Variants in KCNN2 observed in about 807,000 individuals in gnomAD.
The protein encoded by KCNN2 is small conductance calcium-activated potassium channel protein 2.
KCNN2 carries 24 observed loss-of-function variants against 55.5 expected under a neutral mutation model. The ratio of observed to expected loss-of-function variants is 0.43; its 90% CI spans 0.31 to 0.61. KCNN2 has a LOEUF of 0.61. Ranked by LOEUF, KCNN2 falls within the 20% of genes least tolerant of loss-of-function variation. The pLI, the probability that KCNN2 is intolerant of heterozygous loss-of-function variation, is 0.08. For missense variants in KCNN2, 754 were observed against 853.6 expected (o/e 0.88, Z 1.45); for synonymous variants, 431 against 336.1 (o/e 1.28, Z -3.09).
intron 1 of KCNN2, among the ~76,000 whole-genome samples, chr5:114,114,435 C>T (rs748297033): frequency 3.0e-4 from 45 of 151,880 alleles, no homozygotes; most frequent in Non-Finnish European, 5.4e-4. Flanking sequence ...GACAAGGTCT[C>T]GCTTTGTTGC....
chr5:114,391,905 G>A (rs1758460731), intron 2 of KCNN2, among the ~76,000 whole-genome samples: 1 of 152,088 alleles, frequency 6.6e-6, no homozygotes, highest in South Asian at 2.1e-4. Context: ...TGGTCAGAGG[G>A]TGGTTGCTGC....
At chr5:114,472,215 G>A (rs1166481148) in intron 4 of KCNN2, among the ~76,000 whole-genome samples, 2 of 148,340 alleles carry the variant, frequency 1.3e-5, no homozygotes, top group East Asian at 4.0e-4. Context: ...CCCTCCAATC[G>A]GTGCCCCAGC....
intron 2 of KCNN2, among the ~76,000 whole-genome samples, chr5:114,383,839 T>C (rs1217349718): frequency 1.3e-5 from 2 of 152,226 alleles, no homozygotes; most frequent in Non-Finnish European, 2.9e-5. Context: ...AAAATTGTGA[T>C]GCAGTATAAG....
intron 2 of KCNN2, among the ~76,000 whole-genome samples, chr5:114,367,111 C>T (rs146245707): frequency 1.0e-3 from 156 of 152,242 alleles, no homozygotes; most frequent in African/African-American, 3.6e-3. Flanking sequence ...AAAGCAGATC[C>T]GTGTGACCTT....
intron 5 of KCNN2, among the ~76,000 whole-genome samples, chr5:114,480,080 G>A (rs1165887417): frequency 6.6e-6 from 1 of 151,814 alleles, no homozygotes; most frequent in Non-Finnish European, 1.5e-5. Flanking sequence ...AAATCCAGGA[G>A]CTGGTTCTTT....
chr5:114,438,879 G>T (rs779748305), intron 3 of KCNN2, among the ~76,000 whole-genome samples: 1 of 152,134 alleles, frequency 6.6e-6, no homozygotes, highest in Admixed American at 6.5e-5. Flanking sequence ...ACAGATAAAT[G>T]TGACAGCCTT....
intron 2 of KCNN2, among the ~76,000 whole-genome samples, chr5:114,331,968 G>A (rs1315889764): frequency 6.6e-6 from 1 of 151,954 alleles, no homozygotes; most frequent in African/African-American, 2.4e-5. Flanking sequence ...GAGTTTAGTT[G>A]GAAATTTTAA....
intron 1 of KCNN2, among the ~76,000 whole-genome samples, chr5:114,146,529 A>G (rs536772614): frequency 6.6e-6 from 1 of 152,290 alleles, no homozygotes; most frequent in South Asian, 2.1e-4. Flanking sequence ...CTCCGGTTTG[A>G]CAGGTATCCC....
In KCNN2 at chr5:114,411,681, A is replaced by C. The variant is rs184492245; in HGVS notation, c.1637+6825A>C. ...CCAGGAGAGAGAGAGAGGGGGCGGG[A>C]GAGAGAGGAACTCACCTTTTCTCTA... On this transcript the variant is annotated intron_variant, in intron 3 of 7. Transcript: ENST00000673685. Among the ~76,000 whole-genome samples, 42 of 152,192 alleles carry C rather than the reference A, an allele frequency of 2.8e-4. 1 individual carries two copies. The East Asian group carries it at 7.9e-3, about 29-fold the overall frequency.
intron 2 of KCNN2, among the ~76,000 whole-genome samples, chr5:114,371,673 C>A (rs1757762852): frequency 1.3e-5 from 2 of 152,116 alleles, no homozygotes; most frequent in African/African-American, 4.8e-5. Context: ...GATCACAGAA[C>A]AAACATTTTA....
At chr5:114,196,903 G>A (rs1006300989) in intron 1 of KCNN2, among the ~76,000 whole-genome samples, 3 of 151,436 alleles carry the variant, frequency 2.0e-5, no homozygotes. Flanking sequence ...TTTTGTTCTT[G>A]TTTTTCTAGT....
intron 1 of KCNN2, among the ~76,000 whole-genome samples, chr5:114,134,382 T>C (rs1028599062): frequency 6.6e-6 from 1 of 151,860 alleles, no homozygotes; most frequent in Admixed American, 6.6e-5. Flanking sequence ...AAAGCTTGAC[T>C]TATATGTTGT....
intron 1 of KCNN2, among the ~76,000 whole-genome samples, chr5:114,176,244 G>T (rs1430045140): frequency 6.6e-6 from 1 of 152,074 alleles, no homozygotes; most frequent in African/African-American, 2.4e-5. Context: ...TTCAAACTTT[G>T]CCAAATGTCC....
In KCNN2 at chr5:114,143,620, A is replaced by G. The variant is rs556865531; in HGVS notation, c.-270-77860A>G. On this transcript the variant is annotated intron_variant, in intron 1 of 10. Coordinates refer to the KCNN2 transcript ENST00000512097. ...CTATGAACATCTGTTTTTCTGTGAT[A>G]GGAATCTTGGTGATGTGAAACCTCC... 3.1e-3 allele frequency among the ~76,000 whole-genome samples: 470 copies of G among 152,288 alleles called. 4 individuals carry two copies. Among genetic ancestry groups the G allele is most frequent in the African/African-American group, 0.011 (452 of 41,582 alleles).
chr5:114,091,476 T>G (rs1580503755), intron 1 of KCNN2, among the ~76,000 whole-genome samples: 1 of 152,288 alleles, frequency 6.6e-6, no homozygotes, highest in Non-Finnish European at 1.5e-5. Flanking sequence ...TATTTCCCAG[T>G]GGGCTGAAGT....
chr5:114,247,594 C>A (rs1247038052), intron 2 of KCNN2, among the ~76,000 whole-genome samples: 2 of 152,154 alleles, frequency 1.3e-5, no homozygotes, highest in Admixed American at 6.5e-5. Context: ...AATATTAGAT[C>A]AACTATAAAG....
At chr5:114,404,912 A>G in intron 3 of KCNN2, 56 bp downstream of exon 3, 2 of 1,490,124 alleles carry the variant, frequency 1.3e-6, no homozygotes, top group Non-Finnish European at 1.8e-6. Flanking sequence ...CTTCACAAGT[A>G]AGAAAAAAAA....
At chr5:114,328,048 T>C (rs998760244) in intron 2 of KCNN2, among the ~76,000 whole-genome samples, 1 of 152,216 alleles carries the variant, frequency 6.6e-6, no homozygotes, top group Non-Finnish European at 1.5e-5. Context: ...TTAGTAAATG[T>C]TATGTACTTT....
intron 1 of KCNN2, among the ~76,000 whole-genome samples, chr5:114,195,329 G>A (rs1753531969): frequency 6.6e-6 from 1 of 151,770 alleles, no homozygotes; most frequent in African/African-American, 2.4e-5. Context: ...GATGTGAAAT[G>A]TCTTTCAATT....
Sources: allele counts gnomAD v4.1 joint callset (sites outside exome capture counted in the v4.1 genomes callset), GRCh38; gene constraint gnomAD v4.1.1; transcripts MANE v1.5; gene names NCBI Gene and HGNC (gene_info 2026-07-23, HGNC 2026-07-21).